Variants in NRIP1 observed in about 807,000 individuals in gnomAD.
The protein encoded by NRIP1 is nuclear receptor-interacting protein 1.
Under a neutral mutation model 75.0 loss-of-function variants are expected in NRIP1, and 28 were observed. The ratio of observed to expected loss-of-function variants is 0.37; its 90% CI spans 0.28 to 0.51. The LOEUF (loss-of-function observed/expected upper bound fraction) is 0.51. NRIP1 is among the 20% of genes least tolerant of loss of function. The pLI is 0.92. For missense variants in NRIP1, 1,435 were observed against 1,343.7 expected, an observed-to-expected ratio of 1.07 and a Z score of -1.06; for synonymous variants, 526 against 487.6, an observed-to-expected ratio of 1.08 and a Z score of -1.04.
At chr21:15,025,671 G>A (rs1257587111) in intron 2 of NRIP1, among the ~76,000 whole-genome samples, 2 of 152,104 alleles carry the variant, frequency 1.3e-5, no homozygotes, top group African/African-American at 4.8e-5. Context: ...ACAGTAATGG[G>A]TCAAAATGAA....
Position 15,057,389 on chromosome 21 carries a change from G to C in NRIP1, c.-538+7356C>G, listed in dbSNP as rs535880960. On this transcript the variant is annotated intron_variant, in intron 1 of 3. Transcript: ENST00000318948. Reference sequence around the variant, plus strand: ...TCAAATAACACCGCAGTAATTCTGTGATACACTTCAGAAGAGTTAGCACTG... The same window carrying C: ...TCAAATAACACCGCAGTAATTCTGTCATACACTTCAGAAGAGTTAGCACTG... Among the ~76,000 whole-genome samples, 281 of 152,300 alleles carry C rather than the reference G, an allele frequency of 1.8e-3. 2 individuals are homozygous for C. The highest frequency in any genetic ancestry group is 6.5e-3 in the African/African-American group (271 of 41,556).
chr21:15,054,377 C>CA (rs894993898), intron 1 of NRIP1, among the ~76,000 whole-genome samples: 21 of 148,866 alleles, frequency 1.4e-4, no homozygotes, highest in East Asian at 2.0e-4. Flanking sequence ...CATTTCCTTA[C>CA]AAAAAAAATG....
intron 3 of NRIP1, among the ~76,000 whole-genome samples, chr21:14,998,584 G>C (rs187720307): frequency 6.6e-6 from 1 of 152,158 alleles, no homozygotes; most frequent in Non-Finnish European, 1.5e-5. Flanking sequence ...GGCTTGCACC[G>C]TGTGGGTCCA....
intron 2 of NRIP1, among the ~76,000 whole-genome samples, chr21:15,033,479 T>G (rs2088759630): frequency 6.6e-6 from 1 of 152,142 alleles, no homozygotes; most frequent in Non-Finnish European, 1.5e-5. Context: ...CTGTGTCAAC[T>G]TCAATCCATT....
chr21:15,059,071 A>C (rs1302260457), intron 1 of NRIP1, among the ~76,000 whole-genome samples: 1 of 152,222 alleles, frequency 6.6e-6, no homozygotes. Flanking sequence ...GACTTTGTTA[A>C]TTAGAAGTCC....
At chr21:15,042,391 T>C (rs1056402866) in intron 2 of NRIP1, among the ~76,000 whole-genome samples, 2 of 152,218 alleles carry the variant, frequency 1.3e-5, no homozygotes, top group African/African-American at 2.4e-5. Flanking sequence ...GCCTTGGATA[T>C]AGATCAAGAA....
At position 14,968,297 on chromosome 21, in the gene NRIP1, C is replaced by G; in HGVS notation, c.-105G>C. The G allele has an allele frequency of 1.4e-6, 1 of 721,542 alleles. No homozygotes were observed. The highest frequency in any genetic ancestry group is 2.3e-6 in the Non-Finnish European group (1 of 430,356). 44.7% of individuals were successfully genotyped at this position (721,542 alleles called of 1,614,324 possible). On this transcript the variant is annotated 5_prime_UTR_variant, in exon 4 of 4. Coordinates refer to ENST00000318948, the MANE Select transcript of NRIP1 (RefSeq NM_003489.4). Reference sequence around the variant, plus strand: ...TAATAAAGGAGTATCAGTTTATCACCTTCCATCGCAATCAGAGAGAGACGT... The same window carrying G: ...TAATAAAGGAGTATCAGTTTATCACGTTCCATCGCAATCAGAGAGAGACGT...
rs61171563 is a variant in NRIP1, at chr21:14,981,852, A to ATTT, written c.-334-13329_-334-13327dup. Reference sequence around the variant, plus strand: ...TCTTCACTATTTAGTAGTTCATTTGATTTTTTTTTTTTTTTTTGAGACAGA... The same window carrying ATTT: ...TCTTCACTATTTAGTAGTTCATTTGATTTTTTTTTTTTTTTTTTTTGAGACAGA... On this transcript the variant is annotated intron_variant, in intron 3 of 3. Transcript: ENST00000318948. Among the ~76,000 whole-genome samples the ATTT allele has an allele frequency of 2.0e-3, 263 of 131,462 alleles. 2 individuals are homozygous for ATTT. Among genetic ancestry groups the ATTT allele is most frequent in the African/African-American group, 4.9e-3 (168 of 33,976 alleles). 86.2% of individuals were successfully genotyped at this position (131,462 alleles called of 152,430 possible). A position where few individuals can be genotyped will look rare whatever the true frequency, so the allele number is the denominator to read the frequency against.
At chr21:15,060,009 G>A (rs974935960) in intron 1 of NRIP1, among the ~76,000 whole-genome samples, 1 of 151,754 alleles carries the variant, frequency 6.6e-6, no homozygotes, top group African/African-American at 2.4e-5. Flanking sequence ...TTATGTTTCG[G>A]GTGCATTTTG....
At chr21:14,971,659 C>CT (rs1238915138) in intron 3 of NRIP1, 2 of 152,102 alleles carry the variant, frequency 1.3e-5, no homozygotes, top group African/African-American at 4.8e-5. Flanking sequence ...TCACATGACT[C>CT]TTATATCACC....
intron 1 of NRIP1, among the ~76,000 whole-genome samples, chr21:15,055,543 A>G (rs895942884): frequency 6.6e-6 from 1 of 152,234 alleles, no homozygotes; most frequent in African/African-American, 2.4e-5. Context: ...AAAGTGATGC[A>G]GCCAGCCAAT....
rs917732793 is a variant in NRIP1, at chr21:14,967,939, C to A, written c.254G>T (p.Arg85Ile). The change falls in exon 4 of 4, where the codon AGA becomes ATA. Residue 85 changes from arginine (R) to isoleucine (I), a missense_variant. Coordinates refer to ENST00000318948, the MANE Select transcript of NRIP1 (RefSeq NM_003489.4). ...GSGMLHLKKA[R>I]LLQSSEDWNA... ...CCAGTCCTCAGAAGACTGCAACAGT[C>A]TGGCTTTTTTGAGGTGCAGCATGCC... 2.5e-6 allele frequency: 4 copies of A among 1,613,996 alleles called. No individual in the cohort carries two copies. The highest frequency in any genetic ancestry group is 3.4e-6 in the Non-Finnish European group (4 of 1,180,024).
intron 3 of NRIP1, among the ~76,000 whole-genome samples, chr21:15,007,465 G>A (rs572093042): frequency 5.3e-5 from 8 of 152,126 alleles, no homozygotes; most frequent in Non-Finnish European, 1.0e-4. Context: ...TATATCTCAA[G>A]CCTAGGTTTG....
chr21:15,050,382 T>TA (rs2089175862), intron 1 of NRIP1: 1 of 237,148 alleles, frequency 4.2e-6, no homozygotes, highest in Non-Finnish European at 8.4e-6. Context: ...ATCAATGCTT[T>TA]ATGTTACTAA....
At chr21:15,035,582 A>T (rs2088813833) in intron 2 of NRIP1, among the ~76,000 whole-genome samples, 1 of 143,750 alleles carries the variant, frequency 7.0e-6, no homozygotes, top group Non-Finnish European at 1.5e-5. Flanking sequence ...TTTGAGACAG[A>T]GTCTCGCTCT....
intron 2 of NRIP1, among the ~76,000 whole-genome samples, chr21:15,023,140 T>C (rs988666140): frequency 1.3e-5 from 2 of 152,182 alleles, no homozygotes; most frequent in Non-Finnish European, 2.9e-5. Context: ...AAAAAAAGAC[T>C]GTGGTGTTGG....
intron 3 of NRIP1, among the ~76,000 whole-genome samples, chr21:14,973,933 C>T (rs971795960): frequency 6.6e-6 from 1 of 150,670 alleles, no homozygotes; most frequent in African/African-American, 2.5e-5. Flanking sequence ...GGTCCTCCTG[C>T]CTTAGCCTCT....
intron 2 of NRIP1, among the ~76,000 whole-genome samples, chr21:15,032,510 C>T (rs1017011114): frequency 2.0e-5 from 3 of 151,428 alleles, no homozygotes; most frequent in Admixed American, 1.3e-4. Context: ...AAAAAAAAAC[C>T]GTTCGAAGTC....
intron 1 of NRIP1, among the ~76,000 whole-genome samples, chr21:15,058,578 G>C (rs2147411082): frequency 6.6e-6 from 1 of 152,252 alleles, no homozygotes; most frequent in Non-Finnish European, 1.5e-5. Context: ...CTTCTAGATA[G>C]ATTCCTCAAG....
Sources: gnomAD v4.1 joint callset for allele counts (sites outside exome capture counted in the v4.1 genomes callset) on GRCh38, gnomAD v4.1.1 for gene constraint, MANE v1.5 for transcripts, NCBI Gene and HGNC (gene_info 2026-07-23, HGNC 2026-07-21) for gene names.